Variants in PDS5B observed in about 807,000 individuals in gnomAD.
PDS5B encodes the protein sister chromatid cohesion protein PDS5 homolog B.
Under a neutral mutation model 184.1 loss-of-function variants are expected in PDS5B, and 51 were observed. That is an observed-to-expected ratio of 0.28 (90% CI 0.22 to 0.35). PDS5B has a LOEUF of 0.35. Among genes scored for constraint, PDS5B ranks in the 10% least tolerant of loss-of-function variants. The probability of loss-of-function intolerance (pLI) is 1.00; values close to 1 mark genes in which losing one functional copy is unlikely to be tolerated. For synonymous variants in PDS5B, 566 were observed against 569.2 expected (o/e 0.99, Z 0.08); for missense variants, 1,180 against 1,723.3 (o/e 0.68, Z 5.58).
chr13:32,717,118 C>T (rs1293749064), intron 19 of PDS5B, among the ~76,000 whole-genome samples: 7 of 148,952 alleles, frequency 4.7e-5, no homozygotes, highest in Admixed American at 1.3e-4. Context: ...AGGTGAGGGG[C>T]GCCTCTGCCC....
intron 14 of PDS5B, among the ~76,000 whole-genome samples, chr13:32,696,033 C>A (rs1951693053): frequency 6.6e-6 from 1 of 152,084 alleles, no homozygotes; most frequent in African/African-American, 2.4e-5. Context: ...AGAAATCTTA[C>A]ATGTTTCTAG....
chr13:32,627,522 A>G (rs1022278419), intron 1 of PDS5B, among the ~76,000 whole-genome samples: 3 of 151,940 alleles, frequency 2.0e-5, no homozygotes, highest in African/African-American at 7.3e-5. Flanking sequence ...TTATGTTTGC[A>G]AGGGGGTTGA....
intron 7 of PDS5B, among the ~76,000 whole-genome samples, chr13:32,668,528 A>C (rs1217499463): frequency 1.3e-5 from 2 of 152,138 alleles, no homozygotes; most frequent in African/African-American, 4.8e-5. Flanking sequence ...TTTGAGTTCT[A>C]CAGATTTAGG....
rs1469768041 is a variant in PDS5B at position 32,755,906 on chromosome 13, C to T, written c.3006C>T (p.Asp1002=). 1 of 1,586,172 alleles carries T rather than the reference C, an allele frequency of 6.3e-7. No homozygotes were observed. Among genetic ancestry groups the T allele is most frequent in the Admixed American group, 1.7e-5 (1 of 58,634 alleles). The change falls in exon 26 of 35, where the codon GAC becomes GAT. Residue 1002 remains aspartate, a synonymous_variant. Transcript: ENST00000315596. ...ATACAATTCACCTTTTGGCACATGA[C>T]CCAGATTATGTCAAAGTACAGGATA... ...VPYTIHLLAH[D]PDYVKVQDIE...
intron 1 of PDS5B, among the ~76,000 whole-genome samples, chr13:32,606,879 A>G (rs1368633338): frequency 1.3e-5 from 2 of 152,166 alleles, no homozygotes; most frequent in African/African-American, 4.8e-5. Context: ...TTGTGCATTC[A>G]TCACGTAGTT....
At chr13:32,586,943 C>T (rs1263888644) in intron 1 of PDS5B, among the ~76,000 whole-genome samples, 4 of 142,290 alleles carry the variant, frequency 2.8e-5, no homozygotes, top group Non-Finnish European at 6.2e-5. Flanking sequence ...GGGCGGTGAC[C>T]TTGCGCGCGG....
At chr13:32,655,374 A>ATATATATATTTTTTTTTT in intron 3 of PDS5B, among the ~76,000 whole-genome samples, 1 of 72,464 alleles carries the variant, frequency 1.4e-5, no homozygotes, top group African/African-American at 8.3e-5. Flanking sequence ...ATATATATAT[A>ATATATATATTTTTTTTTT]TTTTTTTTTT....
At chr13:32,649,666 C>T (rs1950319874) in intron 2 of PDS5B, 1 of 152,126 alleles carries the variant, frequency 6.6e-6, no homozygotes, top group Non-Finnish European at 1.5e-5. Flanking sequence ...TTTATTGCTA[C>T]ATGGTGTATA....
At position 32,770,211 on chromosome 13, in the gene PDS5B, C is replaced by G. The variant is rs1954733631; in HGVS notation, c.3715C>G (p.Gln1239Glu). ...LGMDDLTKLV[Q>E]EQKPKGSQRS... ...TATGGATGACTTGACTAAGTTGGTA[C>G]AGGAACAGAAACCTAAAGGCAGTCA... is the stretch of plus-strand genomic sequence containing the variant. The change falls in exon 32 of 35, where the codon CAG becomes GAG. Residue 1239 changes from glutamine to glutamate, a missense_variant. Transcript: ENST00000315596. 1 of 1,613,584 alleles carries G rather than the reference C, an allele frequency of 6.2e-7. No homozygotes were observed. The highest frequency in any genetic ancestry group is 8.5e-7 in the Non-Finnish European group (1 of 1,179,922).
At chr13:32,600,109 A>T (rs2057949863) in intron 1 of PDS5B, among the ~76,000 whole-genome samples, 1 of 152,174 alleles carries the variant, frequency 6.6e-6, no homozygotes, top group Non-Finnish European at 1.5e-5. Context: ...CTTCAGTTAC[A>T]GTATTTTGTT....
intron 1 of PDS5B, among the ~76,000 whole-genome samples, chr13:32,591,387 G>A (rs930210020): frequency 1.3e-5 from 2 of 152,154 alleles, no homozygotes; most frequent in Admixed American, 6.5e-5. Context: ...AAAGTGCTGA[G>A]ATTACAGGCA....
chr13:32,658,207 T>G (rs1406773512), intron 3 of PDS5B, 32 bp from the exon 4 acceptor site: 1 of 1,005,896 alleles, frequency 9.9e-7, no homozygotes, highest in Admixed American at 2.0e-5. Flanking sequence ...GCGTTCATAA[T>G]CTAAATGGCA....
At chr13:32,640,217 TA>T (rs554486870) in intron 1 of PDS5B, among the ~76,000 whole-genome samples, 27 of 151,688 alleles carry the variant, frequency 1.8e-4, no homozygotes, top group East Asian at 1.9e-4. Context: ...ATTTGAACTT[TA>T]AAAAAAAACT....
At chr13:32,720,363 A>G (rs1952628087) in intron 19 of PDS5B, among the ~76,000 whole-genome samples, 1 of 152,152 alleles carries the variant, frequency 6.6e-6, no homozygotes, top group Admixed American at 6.5e-5. Context: ...ATATATGCAA[A>G]CTTAAAATGT....
intron 1 of PDS5B, among the ~76,000 whole-genome samples, chr13:32,604,994 A>G (rs918871744): frequency 4.6e-5 from 7 of 152,072 alleles, no homozygotes; most frequent in South Asian, 2.1e-4. Context: ...CTAGCAGTCT[A>G]TGAATTTTGT....
chr13:32,708,269 A>G (rs749565670), intron 18 of PDS5B, among the ~76,000 whole-genome samples: 9 of 152,216 alleles, frequency 5.9e-5, no homozygotes, highest in Non-Finnish European at 1.0e-4. Context: ...CTTCTGCCCT[A>G]TCACTGGCTT....
chr13:32,745,955 A>G, intron 23 of PDS5B, 22 bp from the exon 24 acceptor site: 4 of 1,583,296 alleles, frequency 2.5e-6, no homozygotes, highest in Non-Finnish European at 3.5e-6. Flanking sequence ...GCTAATCTAT[A>G]TTCATTCTAC....
chr13:32,660,245 C>T (rs894370948), intron 6 of PDS5B, among the ~76,000 whole-genome samples: 1 of 152,292 alleles, frequency 6.6e-6, no homozygotes, highest in Non-Finnish European at 1.5e-5. Context: ...GGCAAGTAGA[C>T]CTGCAGAGGC....
At chr13:32,638,785 G>T (rs2058608057) in intron 1 of PDS5B, among the ~76,000 whole-genome samples, 1 of 151,992 alleles carries the variant, frequency 6.6e-6, no homozygotes, top group Non-Finnish European at 1.5e-5. Flanking sequence ...ATGTGAGGAG[G>T]GCTATTTCCT....
Sources: gnomAD v4.1 joint callset for allele counts (sites outside exome capture counted in the v4.1 genomes callset) on GRCh38, gnomAD v4.1.1 for gene constraint, MANE v1.5 for transcripts, NCBI Gene and HGNC (gene_info 2026-07-23, HGNC 2026-07-21) for gene names.